The following GPC5 variants were observed in gnomAD, a reference collection of about 807,000 sequenced individuals.
GPC5 encodes glypican-5.
A neutral mutation model predicts 53.9 loss-of-function variants in GPC5; 47 were observed. The ratio of observed to expected loss-of-function variants is 0.87; its 90% CI spans 0.69 to 1.11. The LOEUF (loss-of-function observed/expected upper bound fraction) is 1.11, where lower values mean the gene tolerates loss of function less well. GPC5 is among the 50% of genes most tolerant of loss of function. The pLI is 0.00. For synonymous variants in GPC5, 286 were observed against 263.3 expected (o/e 1.09, Z -0.84); for missense variants, 748 against 713.1 (o/e 1.05, Z -0.56).
intron 6 of GPC5, among the ~76,000 whole-genome samples, chr13:91,935,731 G>A (rs969529631): frequency 2.6e-5 from 4 of 151,914 alleles, no homozygotes; most frequent in East Asian, 1.9e-4. Context: ...AGGAGCATTC[G>A]TTTACCTTTA....
At chr13:92,493,770 G>A (rs906569791) in intron 7 of GPC5, among the ~76,000 whole-genome samples, 1 of 152,132 alleles carries the variant, frequency 6.6e-6, no homozygotes, top group African/African-American at 2.4e-5. Context: ...AGATCCAGAC[G>A]TAGCGCTAGC....
chr13:91,417,073 G>A lies in GPC5; in HGVS notation c.163+17864G>A, dbSNP rs192963581. Among the ~76,000 whole-genome samples, 5 of 152,156 alleles carry A rather than the reference G, an allele frequency of 3.3e-5. No homozygotes were observed. The East Asian group carries it at 7.7e-4, about 23-fold the overall frequency. ...CAGAGTGGGGTGGATGGAGCAGAGGGGGGGAGTATTTAGAAGGCAGAATTG... is the reference window on the plus strand; with the variant it reads ...CAGAGTGGGGTGGATGGAGCAGAGGAGGGGAGTATTTAGAAGGCAGAATTG... On this transcript the variant is annotated intron_variant, in intron 1 of 7. Transcript: ENST00000377067.
chr13:92,599,066 G>A (rs1883965034), intron 7 of GPC5, among the ~76,000 whole-genome samples: 1 of 151,934 alleles, frequency 6.6e-6, no homozygotes, highest in African/African-American at 2.4e-5. Context: ...TCTTGTATTG[G>A]TTTTTACAAA....
intron 7 of GPC5, among the ~76,000 whole-genome samples, chr13:92,537,809 G>A (rs1197368971): frequency 1.3e-5 from 2 of 152,088 alleles, no homozygotes; most frequent in Non-Finnish European, 2.9e-5. Context: ...CTAGTTGCAT[G>A]AGGAAGGCGT....
At chr13:92,402,505 C>A (rs1875602691) in intron 7 of GPC5, among the ~76,000 whole-genome samples, 1 of 151,950 alleles carries the variant, frequency 6.6e-6, no homozygotes, top group African/African-American at 2.4e-5. Context: ...TGATATTGAT[C>A]CCTTTTGCAC....
At chr13:92,328,687 G>A (rs1488953967) in intron 7 of GPC5, among the ~76,000 whole-genome samples, 1 of 152,096 alleles carries the variant, frequency 6.6e-6, no homozygotes, top group Non-Finnish European at 1.5e-5. Context: ...ATCACTCCAT[G>A]TTCATGGAAA....
chr13:92,808,167 G>A (rs911285324), intron 7 of GPC5, among the ~76,000 whole-genome samples: 1 of 151,982 alleles, frequency 6.6e-6, no homozygotes. Context: ...TTCTAGACAT[G>A]TGCAGCACAA....
chr13:92,076,350 C>A (rs1290649605), intron 6 of GPC5, among the ~76,000 whole-genome samples: 1 of 152,068 alleles, frequency 6.6e-6, no homozygotes, highest in Non-Finnish European at 1.5e-5. Context: ...GGATTACAGG[C>A]GTGAGCCACC....
At chr13:91,686,656 A>G (rs2035629248) in intron 2 of GPC5, among the ~76,000 whole-genome samples, 1 of 152,024 alleles carries the variant, frequency 6.6e-6, no homozygotes, top group Non-Finnish European at 1.5e-5. Flanking sequence ...AAAATTATTC[A>G]GAAGTACTTC....
chr13:92,035,342 A>AG (rs1462797617), intron 6 of GPC5, among the ~76,000 whole-genome samples: 1 of 152,050 alleles, frequency 6.6e-6, no homozygotes, highest in East Asian at 1.9e-4. Flanking sequence ...TGGCAGTGTC[A>AG]GTTACACTAG....
chr13:92,389,575 G>T (rs1371992145), intron 7 of GPC5, among the ~76,000 whole-genome samples: 1 of 152,118 alleles, frequency 6.6e-6, no homozygotes, highest in African/African-American at 2.4e-5. Context: ...CTAGCTCACA[G>T]AAAATGTGTA....
chr13:91,589,636 A>G (rs142971188), intron 2 of GPC5, among the ~76,000 whole-genome samples: 28 of 152,286 alleles, frequency 1.8e-4, no homozygotes, highest in African/African-American at 6.5e-4. Flanking sequence ...ACTGGTTAGT[A>G]CTGATTGACA....
chr13:91,512,091 A>C (rs976664200), intron 2 of GPC5, among the ~76,000 whole-genome samples: 1 of 152,200 alleles, frequency 6.6e-6, no homozygotes, highest in Admixed American at 6.5e-5. Flanking sequence ...GGCTTTAAAT[A>C]TATTTTTTGC....
chr13:92,753,599 G>A (rs1483864102), intron 7 of GPC5, among the ~76,000 whole-genome samples: 2 of 152,106 alleles, frequency 1.3e-5, no homozygotes, highest in Admixed American at 1.3e-4. Context: ...TTAGAAGAAT[G>A]TATAACTAGA....
intron 5 of GPC5, among the ~76,000 whole-genome samples, chr13:91,776,534 C>T (rs2037713600): frequency 6.6e-6 from 1 of 152,080 alleles, no homozygotes. Context: ...TCATTATTGT[C>T]GCTATTTCCA....
chr13:92,796,132 A>G (rs151234432), intron 7 of GPC5, among the ~76,000 whole-genome samples: 2,988 of 152,264 alleles, frequency 0.02, 102 homozygotes, highest in African/African-American at 0.069. Context: ...TCGATGATAG[A>G]CTGGATAAAG....
intron 5 of GPC5, among the ~76,000 whole-genome samples, chr13:91,885,239 C>T (rs1003842139): frequency 6.6e-6 from 1 of 152,082 alleles, no homozygotes; most frequent in Non-Finnish European, 1.5e-5. Context: ...TAAAGGCAAC[C>T]TGATACTGAT....
chr13:91,444,693 C>T (rs746586127), intron 1 of GPC5, among the ~76,000 whole-genome samples: 31 of 152,162 alleles, frequency 2.0e-4, no homozygotes, highest in Admixed American at 3.3e-4. Flanking sequence ...ATTTCACTTA[C>T]AGCATTTCTC....
intron 7 of GPC5, among the ~76,000 whole-genome samples, chr13:92,198,341 T>C (rs535413531): frequency 6.6e-6 from 1 of 152,304 alleles, no homozygotes; most frequent in South Asian, 2.1e-4. Context: ...AGATGTCCAA[T>C]AAAAATTTCT....
Sources: allele counts gnomAD v4.1 joint callset (sites outside exome capture counted in the v4.1 genomes callset), GRCh38; gene constraint gnomAD v4.1.1; transcripts MANE v1.5; gene names NCBI Gene and HGNC (gene_info 2026-07-23, HGNC 2026-07-21).